CCDC73: variants seen among roughly 807,000 people sequenced by gnomAD.
CCDC73 encodes the protein coiled-coil domain containing 73.
Under a neutral mutation model 116.5 loss-of-function variants are expected in CCDC73, and 95 were observed. That is an observed-to-expected ratio of 0.82 (90% CI 0.69 to 0.97). The LOEUF is 0.97. Among genes scored for constraint, CCDC73 ranks in the 50% least tolerant of loss-of-function variants. CCDC73 has a pLI of 0.00. For synonymous variants in CCDC73, 398 were observed against 401.3 expected (o/e 0.99, Z 0.10); for missense variants, 1,066 against 1,206.8 (o/e 0.88, Z 1.73).
intron 10 of CCDC73, 151 bp from the exon 11 acceptor site, chr11:32,654,188 T>C: frequency 1.3e-6 from 1 of 762,492 alleles, no homozygotes; most frequent in South Asian, 2.2e-5. Context: ...TGTATGTTTG[T>C]TTTGAGACTG....
At position 32,676,032 on chromosome 11, in the gene CCDC73, G is replaced by T; in HGVS notation, c.430-11C>A. On this transcript the variant is annotated splice_polypyrimidine_tract_variant and intron_variant, in intron 7 of 17. Transcript: ENST00000335185. ...CTGGACCTTTTGTTCCTATTTTGAAGAGTAATTTTAAATGTTATACATATA... is the reference window on the plus strand; with the variant it reads ...CTGGACCTTTTGTTCCTATTTTGAATAGTAATTTTAAATGTTATACATATA... 6.3e-7 allele frequency: 1 copy of T among 1,576,424 alleles called. No individual in the cohort carries two copies. Among genetic ancestry groups the T allele is most frequent in the South Asian group, 1.2e-5 (1 of 83,464 alleles).
intron 9 of CCDC73, among the ~76,000 whole-genome samples, chr11:32,656,414 G>C (rs1360421247): frequency 6.6e-6 from 1 of 152,122 alleles, no homozygotes; most frequent in Non-Finnish European, 1.5e-5. Flanking sequence ...CTGCCTACCA[G>C]AGAAGCAAAG....
intron 13 of CCDC73, among the ~76,000 whole-genome samples, chr11:32,637,336 A>C (rs12365339): frequency 6.6e-6 from 1 of 151,936 alleles, no homozygotes; most frequent in African/African-American, 2.4e-5. Context: ...CTTAAAGTCT[A>C]TACTTGCTAC....
chr11:32,697,587 G>A (rs1027924864), intron 6 of CCDC73, among the ~76,000 whole-genome samples: 8 of 147,812 alleles, frequency 5.4e-5, no homozygotes, highest in East Asian at 2.0e-4. Context: ...AGATTTAAGC[G>A]ATTCTCCTGC....
At chr11:32,733,551 G>C (rs201351603) in intron 2 of CCDC73, among the ~76,000 whole-genome samples, 14 of 152,214 alleles carry the variant, frequency 9.2e-5, no homozygotes, top group African/African-American at 3.1e-4. Flanking sequence ...TAAGAGAACA[G>C]AAATTATAAC....
chr11:32,811,165 G>T, the CCDC73 span, among the ~76,000 whole-genome samples: 1 of 151,816 alleles, frequency 6.6e-6, no homozygotes, highest in East Asian at 1.9e-4. Context: ...TATTATTTTA[G>T]GAAATAAAGC....
chr11:32,759,239 A>C (rs1464195185), intron 2 of CCDC73, among the ~76,000 whole-genome samples: 1 of 151,912 alleles, frequency 6.6e-6, no homozygotes, highest in East Asian at 1.9e-4. Context: ...ATAGAGTTAA[A>C]ATTTAGACCC....
At chr11:32,682,645 C>T (rs919148339) in intron 7 of CCDC73, 4 of 151,768 alleles carry the variant, frequency 2.6e-5, no homozygotes, top group Non-Finnish European at 5.9e-5. Context: ...ATAGCCCCAC[C>T]CAAAAAGCCC....
intron 2 of CCDC73, among the ~76,000 whole-genome samples, chr11:32,731,000 G>A (rs1328764481): frequency 6.6e-6 from 1 of 152,190 alleles, no homozygotes; most frequent in Non-Finnish European, 1.5e-5. Flanking sequence ...GAAGCACAAG[G>A]GTTTGGGGAA....
intron 1 of CCDC73, among the ~76,000 whole-genome samples, chr11:32,779,499 TG>T (rs893687714): frequency 2.0e-5 from 3 of 152,178 alleles, no homozygotes; most frequent in Admixed American, 2.0e-4. Flanking sequence ...ACCTCAATAT[TG>T]GCTACATTCT....
At position 32,683,591 on chromosome 11, in the gene CCDC73, G is replaced by GA. The variant is rs139605974; in HGVS notation, c.391-18dup. 0.044 allele frequency: 62,236 copies of GA among 1,399,968 alleles called. 1,641 individuals carry two copies. Among genetic ancestry groups the GA allele is most frequent in the African/African-American group, 0.059 (4,147 of 70,032 alleles). 86.7% of individuals were successfully genotyped at this position (1,399,968 alleles called of 1,614,324 possible). ...TTTAGAAACCTTGAAAAATAAGGGG[G>GA]AAAAATCTCATTAAAATACTTTAAT... is the stretch of plus-strand genomic sequence containing the variant. On this transcript the variant is annotated splice_polypyrimidine_tract_variant and intron_variant, in intron 6 of 17. Coordinates refer to ENST00000335185, the MANE Select transcript of CCDC73 (RefSeq NM_001008391.4).
At chr11:32,629,639 C>G (rs1327324797) in intron 14 of CCDC73, among the ~76,000 whole-genome samples, 3 of 152,052 alleles carry the variant, frequency 2.0e-5, no homozygotes, top group Non-Finnish European at 2.9e-5. Flanking sequence ...ACCTCATGAT[C>G]TGCCCGCCTT....
At chr11:32,635,583 T>A (rs1855669752) in intron 14 of CCDC73, 113 bp downstream of exon 14, 2 of 966,384 alleles carry the variant, frequency 2.1e-6, no homozygotes, top group Non-Finnish European at 2.6e-6. Flanking sequence ...ACCATATGCA[T>A]ATACTCATTT....
At chr11:32,765,478 C>T (rs1850432755) in intron 1 of CCDC73, among the ~76,000 whole-genome samples, 1 of 152,122 alleles carries the variant, frequency 6.6e-6, no homozygotes, top group Admixed American at 6.6e-5. Context: ...ACTGCTCGAC[C>T]ACGTGGAAAC....
chr11:32,809,697 T>G, the CCDC73 span, among the ~76,000 whole-genome samples: 1 of 152,200 alleles, frequency 6.6e-6, no homozygotes, highest in Admixed American at 6.5e-5. Context: ...GGGAGGAATA[T>G]ATACATTTCT....
At chr11:32,627,707 AACTATCGCAAGG>A (rs1565060247) in intron 14 of CCDC73, among the ~76,000 whole-genome samples, 1 of 152,176 alleles carries the variant, frequency 6.6e-6, no homozygotes, top group Non-Finnish European at 1.5e-5. Flanking sequence ...ATTCTCAGCA[AACTATCGCAAGG>A]ACAAAAAACC....
chr11:32,717,219 G>A lies in CCDC73; in HGVS notation c.207+857C>T, dbSNP rs559935059. On this transcript the variant is annotated intron_variant, in intron 3 of 17. Coordinates refer to ENST00000335185, the MANE Select transcript of CCDC73 (RefSeq NM_001008391.4). ...TACCAAACAATGAGAACAGAAATCA[G>A]CATAATTACACTTTCAGGTTTTAGT... is the stretch of plus-strand genomic sequence containing the variant. Among the ~76,000 whole-genome samples the A allele has an allele frequency of 2.6e-5, 4 of 152,254 alleles. No homozygotes were observed. The East Asian group carries it at 7.7e-4, about 29-fold the overall frequency.
At chr11:32,748,332 G>A (rs1221949442) in intron 2 of CCDC73, among the ~76,000 whole-genome samples, 1 of 151,952 alleles carries the variant, frequency 6.6e-6, no homozygotes, top group African/African-American at 2.4e-5. Flanking sequence ...CATTAGGCTT[G>A]CAAATACTAT....
chr11:32,820,115 T>C, the CCDC73 span, among the ~76,000 whole-genome samples: 1 of 152,230 alleles, frequency 6.6e-6, no homozygotes, highest in Non-Finnish European at 1.5e-5. Context: ...GTTCACTTTG[T>C]TGAAGTCAAC....
Sources: allele counts gnomAD v4.1 joint callset (sites outside exome capture counted in the v4.1 genomes callset), GRCh38; gene constraint gnomAD v4.1.1; transcripts MANE v1.5; gene names NCBI Gene and HGNC (gene_info 2026-07-23, HGNC 2026-07-21).